The following RBFOX1 variants were observed in gnomAD, a reference collection of about 807,000 sequenced individuals.
RBFOX1 encodes the protein RNA binding protein fox-1 homolog 1.
In RBFOX1, 8 loss-of-function variants were observed where a neutral mutation model predicts 57.7. The observed-to-expected ratio is 0.14, with a 90% CI of 0.08 to 0.25. RBFOX1 has a LOEUF of 0.25. Among genes scored for constraint, RBFOX1 ranks in the 10% least tolerant of loss-of-function variants. The probability of loss-of-function intolerance (pLI) is 1.00; values close to 1 mark genes in which losing one functional copy is unlikely to be tolerated. For missense variants in RBFOX1, 611 were observed against 548.5 expected, an observed-to-expected ratio of 1.11 and a Z score of -1.14; for synonymous variants, 326 against 222.4, an observed-to-expected ratio of 1.47 and a Z score of -4.15.
At chr16:5,598,117 C>T (rs1430165088) in intron 2 of RBFOX1, among the ~76,000 whole-genome samples, 1 of 151,626 alleles carries the variant, frequency 6.6e-6, no homozygotes, top group Non-Finnish European at 1.5e-5. Flanking sequence ...GCCAACATGG[C>T]GATTCCCTGT....
intron 1 of RBFOX1, among the ~76,000 whole-genome samples, chr16:6,171,478 A>G (rs1233614068): frequency 6.6e-6 from 1 of 152,202 alleles, no homozygotes; most frequent in Non-Finnish European, 1.5e-5. Context: ...CTAAAAGATG[A>G]AATTTAGACA....
chr16:6,143,019 C>T (rs909515802), intron 1 of RBFOX1, among the ~76,000 whole-genome samples: 5 of 152,276 alleles, frequency 3.3e-5, no homozygotes, highest in Middle Eastern at 3.4e-3. Context: ...TTCAGCTCGG[C>T]TCTTGGTAGA....
intron 2 of RBFOX1, among the ~76,000 whole-genome samples, chr16:6,375,633 C>T (rs1367188714): frequency 6.6e-6 from 1 of 152,078 alleles, no homozygotes; most frequent in African/African-American, 2.4e-5. Context: ...GGACAGCCCC[C>T]TTGGAAGCCT....
At chr16:7,258,932 AGATGGAAGAAAGATGGGTCCT>A (rs1567927444) in intron 4 of RBFOX1, among the ~76,000 whole-genome samples, 1 of 152,212 alleles carries the variant, frequency 6.6e-6, no homozygotes, top group Admixed American at 6.5e-5. Flanking sequence ...TGAAGTTTTT[AGATGGAAGAAAGATGGGTCCT>A]GTTTCACCTA....
chr16:6,734,691 G>C (rs917459783), intron 3 of RBFOX1, among the ~76,000 whole-genome samples: 1 of 152,128 alleles, frequency 6.6e-6, no homozygotes, highest in Non-Finnish European at 1.5e-5. Flanking sequence ...ATTTGTGAGG[G>C]AAGAGTCAGA....
At chr16:7,218,954 A>T (rs901895965) in intron 4 of RBFOX1, among the ~76,000 whole-genome samples, 1 of 152,128 alleles carries the variant, frequency 6.6e-6, no homozygotes, top group Non-Finnish European at 1.5e-5. Context: ...TGTGCCTAGC[A>T]GAGCTGATAT....
At chr16:5,913,148 T>C (rs774021703) in intron 4 of RBFOX1, among the ~76,000 whole-genome samples, 3 of 152,160 alleles carry the variant, frequency 2.0e-5, no homozygotes, top group African/African-American at 4.8e-5. Flanking sequence ...AGCTTGTGGG[T>C]GTATGATAAG....
rs2097835738 is a variant in RBFOX1, at chr16:7,384,064, A to G, written c.28-134083A>G. On this transcript the variant is annotated intron_variant, in intron 4 of 15. Coordinates refer to ENST00000550418, the MANE Select transcript of RBFOX1 (RefSeq NM_018723.4). ...GTGAGACTCCATCTCAAAAAAAAAA[A>G]AAAAGTATCCCAAGTATGAGAAACA... 3.3e-5 allele frequency among the ~76,000 whole-genome samples: 5 copies of G among 151,990 alleles called. No homozygotes were observed. In the South Asian group the frequency reaches 1.0e-3, roughly 32 times the overall value.
intron 2 of RBFOX1, among the ~76,000 whole-genome samples, chr16:6,530,588 C>T (rs1424637619): frequency 6.6e-6 from 1 of 152,128 alleles, no homozygotes; most frequent in South Asian, 2.1e-4. Flanking sequence ...ATACCTGAAA[C>T]TGGGTAATTT....
chr16:5,452,894 A>G (rs1029167130), intron 1 of RBFOX1, among the ~76,000 whole-genome samples: 1 of 152,074 alleles, frequency 6.6e-6, no homozygotes, highest in Non-Finnish European at 1.5e-5. Context: ...GGCTTCCCAA[A>G]GTGCTGGGAT....
intron 1 of RBFOX1, among the ~76,000 whole-genome samples, chr16:5,269,930 G>A (rs189575634): frequency 3.3e-5 from 5 of 152,266 alleles, no homozygotes; most frequent in African/African-American, 1.2e-4. Flanking sequence ...TGCGGTGGGA[G>A]GATTGCTTGA....
chr16:6,084,654 C>G (rs2096059731), intron 1 of RBFOX1, among the ~76,000 whole-genome samples: 1 of 152,104 alleles, frequency 6.6e-6, no homozygotes, highest in Non-Finnish European at 1.5e-5. Context: ...AAAAGTAAGC[C>G]TGCTCTCTCT....
intron 15 of RBFOX1, chr16:7,709,434 T>G: frequency 8.2e-6 from 11 of 1,344,204 alleles, no homozygotes; most frequent in Non-Finnish European, 1.1e-5. Flanking sequence ...CAGAATGCAG[T>G]GTCAATGCAG....
intron 14 of RBFOX1, among the ~76,000 whole-genome samples, chr16:7,708,688 A>T (rs888590340): frequency 6.6e-6 from 1 of 152,196 alleles, no homozygotes; most frequent in Admixed American, 6.5e-5. Context: ...TTGAGAATTA[A>T]AATACCCTCT....
At chr16:7,631,710 G>C (rs2060990904) in intron 11 of RBFOX1, among the ~76,000 whole-genome samples, 1 of 152,114 alleles carries the variant, frequency 6.6e-6, no homozygotes, top group South Asian at 2.1e-4. Flanking sequence ...CCAGGCTCAA[G>C]GGATAAGAGA....
intron 4 of RBFOX1, among the ~76,000 whole-genome samples, chr16:7,217,686 T>A (rs928325319): frequency 1.3e-5 from 2 of 152,312 alleles, no homozygotes; most frequent in East Asian, 3.9e-4. Flanking sequence ...GGGAAGGATT[T>A]TTTTGGTGAA....
At chr16:5,430,170 G>C (rs570919975) in intron 1 of RBFOX1, among the ~76,000 whole-genome samples, 1 of 152,114 alleles carries the variant, frequency 6.6e-6, no homozygotes, top group African/African-American at 2.4e-5. Flanking sequence ...CTCTCTTCAT[G>C]GACGGACCAG....
intron 15 of RBFOX1, 187 bp from the exon 16 acceptor site, chr16:7,710,436 G>A (rs1303631201): frequency 1.4e-6 from 2 of 1,411,842 alleles, no homozygotes; most frequent in Non-Finnish European, 1.8e-6. Context: ...ATTTCTTTAG[G>A]AGGAGCTATT....
At chr16:7,017,982 G>T (rs1204048995) in intron 3 of RBFOX1, among the ~76,000 whole-genome samples, 1 of 152,168 alleles carries the variant, frequency 6.6e-6, no homozygotes, top group Admixed American at 6.5e-5. Context: ...ACGGGCAGTT[G>T]TGGTCTTCAG....
Sources: allele counts gnomAD v4.1 joint callset (sites outside exome capture counted in the v4.1 genomes callset), GRCh38; gene constraint gnomAD v4.1.1; transcripts MANE v1.5; gene names NCBI Gene and HGNC (gene_info 2026-07-23, HGNC 2026-07-21).